Variants in EMSY observed in about 807,000 individuals in gnomAD.
EMSY encodes EMSY transcriptional repressor, BRCA2 interacting.
EMSY carries 26 observed loss-of-function variants against 134.6 expected under a neutral mutation model. The observed-to-expected ratio is 0.19, with a 90% CI of 0.14 to 0.27. The LOEUF (loss-of-function observed/expected upper bound fraction) is 0.27, where lower values mean the gene tolerates loss of function less well. Among genes scored for constraint, EMSY ranks in the 10% least tolerant of loss-of-function variants. The pLI, the probability that EMSY is intolerant of heterozygous loss-of-function variation, is 1.00. For synonymous variants in EMSY, 579 were observed against 577.8 expected (o/e 1.00, Z -0.03); for missense variants, 1,305 against 1,611.4 (o/e 0.81, Z 3.26).
At chr11:76,472,581 A>C in exon 8 of EMSY, 5 of 1,614,032 alleles carry the variant, frequency 3.1e-6, no homozygotes, top group Non-Finnish European at 4.2e-6. Context: ...TAGTCACCAC[A>C]TCACCAAGCT....
chr11:76,508,065 C>T (rs555371985), intron 9 of EMSY, among the ~76,000 whole-genome samples: 391 of 151,928 alleles, frequency 2.6e-3, no homozygotes, highest in African/African-American at 9.1e-3. Flanking sequence ...GAGACAGGGT[C>T]TCACCATGTT....
intron 16 of EMSY, among the ~76,000 whole-genome samples, chr11:76,539,365 A>C (rs1951346457): frequency 1.3e-5 from 2 of 152,230 alleles, no homozygotes; most frequent in Admixed American, 1.3e-4. Flanking sequence ...ATTCTTTGGC[A>C]TCATTTTAGG....
At chr11:76,503,300 CAAAAA>C (rs61098325) in intron 9 of EMSY, among the ~76,000 whole-genome samples, 4 of 70,782 alleles carry the variant, frequency 5.7e-5, no homozygotes, top group East Asian at 4.4e-4. Context: ...GGCGTGGTCT[CAAAAA>C]AAAAAAAAAA....
exon 8 of EMSY, chr11:76,472,720 C>G: frequency 6.2e-7 from 1 of 1,614,198 alleles, no homozygotes; most frequent in Non-Finnish European, 8.5e-7. Flanking sequence ...ACAGTCCTCT[C>G]TGGTCAGTAA....
intron 8 of EMSY, among the ~76,000 whole-genome samples, chr11:76,475,367 G>A (rs1948735066): frequency 1.3e-5 from 2 of 152,172 alleles, no homozygotes; most frequent in African/African-American, 4.8e-5. Context: ...ATATCTTGAA[G>A]CAAAATGAAT....
chr11:76,451,269 G>A (rs1399276031), intron 2 of EMSY, among the ~76,000 whole-genome samples: 2 of 152,176 alleles, frequency 1.3e-5, no homozygotes, highest in African/African-American at 4.8e-5. Flanking sequence ...TGCTTCTGGA[G>A]GGTACCTACA....
At chr11:76,482,668 TAATGA>T (rs1385832545) in intron 8 of EMSY, among the ~76,000 whole-genome samples, 1 of 151,994 alleles carries the variant, frequency 6.6e-6, no homozygotes, top group African/African-American at 2.4e-5. Flanking sequence ...AAGATCAACG[TAATGA>T]AATGAAGTGT....
At chr11:76,479,142 T>C (rs1948875256) in intron 8 of EMSY, among the ~76,000 whole-genome samples, 1 of 151,912 alleles carries the variant, frequency 6.6e-6, no homozygotes, top group Non-Finnish European at 1.5e-5. Context: ...TAAAGAAAAA[T>C]TGAGTAGCAT....
intron 16 of EMSY, among the ~76,000 whole-genome samples, chr11:76,538,576 T>G (rs550173329): frequency 6.6e-6 from 1 of 152,174 alleles, no homozygotes; most frequent in Non-Finnish European, 1.5e-5. Flanking sequence ...TAAGTATTTT[T>G]ATGCATCTAG....
chr11:76,458,255 C>T (rs771688738), exon 5 of EMSY: 9 of 1,614,112 alleles, frequency 5.6e-6, no homozygotes, highest in Middle Eastern at 1.7e-4. Flanking sequence ...TGCCCCGGCT[C>T]GTTCCCCAAA....
chr11:76,465,889 A>G (rs1343817606), intron 7 of EMSY, among the ~76,000 whole-genome samples: 1 of 152,206 alleles, frequency 6.6e-6, no homozygotes, highest in African/African-American at 2.4e-5. Context: ...TTGTTCAGGA[A>G]CATCCACTAC....
chr11:76,453,646 C>T (rs1947757449), intron 4 of EMSY: 1 of 287,520 alleles, frequency 3.5e-6, no homozygotes, highest in Non-Finnish European at 6.5e-6. Flanking sequence ...AAAATCACCA[C>T]AATTTAGCAG....
rs201628075 is a variant in EMSY at position 76,537,777 on chromosome 11, C to G, written c.2360-18C>G. The G allele has an allele frequency of 1.6e-5, 25 of 1,579,798 alleles. No individual in the cohort carries two copies. The highest frequency in any genetic ancestry group is 2.1e-5 in the Non-Finnish European group (25 of 1,163,006). ...GTTTGTAATAAAAGTTAACTTTTCC[C>G]CTGACTTTTTTATGCAGTAAAGGAA... On this transcript the variant is annotated intron_variant, in intron 15 of 20. Coordinates refer to ENST00000334736, the Ensembl canonical transcript of EMSY.
chr11:76,549,744 T>C (rs985165114), intron 20 of EMSY, among the ~76,000 whole-genome samples: 2 of 152,192 alleles, frequency 1.3e-5, no homozygotes, highest in South Asian at 2.1e-4. Context: ...AATTTTCTTA[T>C]AGTGTTGTCA....
At chr11:76,527,802 A>AT (rs1337239564) in intron 13 of EMSY, among the ~76,000 whole-genome samples, 2 of 151,998 alleles carry the variant, frequency 1.3e-5, no homozygotes, top group African/African-American at 4.8e-5. Flanking sequence ...AAGAAAAAAA[A>AT]CTTGAAGAAC....
chr11:76,496,346 C>A, exon 9 of EMSY: 1 of 1,614,168 alleles, frequency 6.2e-7, no homozygotes, highest in Non-Finnish European at 8.5e-7. Context: ...GCAGTTATAT[C>A]AAGTGCAACA....
intron 8 of EMSY, among the ~76,000 whole-genome samples, chr11:76,491,630 G>A (rs527528560): frequency 2.0e-5 from 3 of 152,298 alleles, no homozygotes; most frequent in East Asian, 1.9e-4. Flanking sequence ...CCTAGCCACC[G>A]TTTCCTACGG....
At chr11:76,464,464 T>C (rs550087335) in intron 7 of EMSY, among the ~76,000 whole-genome samples, 5 of 152,392 alleles carry the variant, frequency 3.3e-5, no homozygotes, top group South Asian at 4.1e-4. Flanking sequence ...AGGTGTTTCA[T>C]AGAAGAAAGG....
chr11:76,465,404 G>T (rs1948308179), intron 7 of EMSY, among the ~76,000 whole-genome samples: 1 of 152,090 alleles, frequency 6.6e-6, no homozygotes, highest in Non-Finnish European at 1.5e-5. Flanking sequence ...AGAAAACAAT[G>T]TATTTATTTT....
Sources: gnomAD v4.1 joint callset for allele counts (sites outside exome capture counted in the v4.1 genomes callset) on GRCh38, gnomAD v4.1.1 for gene constraint, MANE v1.5 for transcripts, NCBI Gene and HGNC (gene_info 2026-07-23, HGNC 2026-07-21) for gene names.